SAMD3: variants seen among roughly 807,000 people sequenced by gnomAD.
SAMD3 encodes the protein sterile alpha motif domain containing 3, also known as sterile alpha motif domain-containing protein 3.
A neutral mutation model predicts 58.5 loss-of-function variants in SAMD3; 63 were observed. The ratio of observed to expected loss-of-function variants is 1.08; its 90% CI spans 0.88 to 1.33. The LOEUF is 1.33. Among genes scored for constraint, SAMD3 ranks in the 40% most tolerant of loss-of-function variants. SAMD3 has a pLI of 0.00. For missense variants in SAMD3, 604 were observed against 608.4 expected, an observed-to-expected ratio of 0.99 and a Z score of 0.08; for synonymous variants, 220 against 210.3, an observed-to-expected ratio of 1.05 and a Z score of -0.40.
intron 5 of SAMD3, among the ~76,000 whole-genome samples, chr6:130,204,342 A>G (rs7747640): frequency 0.11 from 16,015 of 152,226 alleles, 1,028 homozygotes; most frequent in African/African-American, 0.18. Context: ...TGAGGATGGG[A>G]CCTATTAATT....
chr6:130,172,055 T>C (rs1046093059), intron 8 of SAMD3, among the ~76,000 whole-genome samples: 1 of 152,230 alleles, frequency 6.6e-6, no homozygotes, highest in African/African-American at 2.4e-5. Flanking sequence ...TGCTTTCCAT[T>C]TGCTTTGTAA....
chr6:130,174,694 T>C (rs1340065809), intron 8 of SAMD3, among the ~76,000 whole-genome samples: 1 of 152,208 alleles, frequency 6.6e-6, no homozygotes, highest in Non-Finnish European at 1.5e-5. Flanking sequence ...TAATTTTAGT[T>C]TGTAATTGGA....
intron 8 of SAMD3, among the ~76,000 whole-genome samples, chr6:130,158,599 A>G (rs1305251842): frequency 6.6e-6 from 1 of 152,256 alleles, no homozygotes. Context: ...AGGATTTCCT[A>G]AAAGTGTTAC....
At chr6:130,223,350 G>A (rs1796289868), upstream of SAMD3, among the ~76,000 whole-genome samples, 1 of 152,192 alleles carries the variant, frequency 6.6e-6, no homozygotes, top group Admixed American at 6.5e-5. Context: ...GCAGACATTG[G>A]CTGAATGTAA....
chr6:130,311,170 T>C (rs1357159376), intron 2 of SAMD3, among the ~76,000 whole-genome samples: 2 of 152,202 alleles, frequency 1.3e-5, no homozygotes, highest in Admixed American at 1.3e-4. Context: ...GGATCTTGAA[T>C]CTTTTATTAT....
chr6:130,290,796 T>C (rs1775337192), intron 2 of SAMD3, among the ~76,000 whole-genome samples: 1 of 152,240 alleles, frequency 6.6e-6, no homozygotes, highest in Non-Finnish European at 1.5e-5. Flanking sequence ...AAATGTGCAG[T>C]AAATTTGGCT....
chr6:130,278,112 C>T (rs147581487), intron 2 of SAMD3, among the ~76,000 whole-genome samples: 8 of 152,286 alleles, frequency 5.3e-5, no homozygotes, highest in South Asian at 2.1e-4. Flanking sequence ...AGATAGTTTG[C>T]AGACCCTGCA....
intron 1 of SAMD3, among the ~76,000 whole-genome samples, chr6:130,348,685 C>T (rs2115032472): frequency 6.6e-6 from 1 of 152,312 alleles, no homozygotes; most frequent in Non-Finnish European, 1.5e-5. Flanking sequence ...AGAAAGTTAA[C>T]AAGGATATCC....
At chr6:130,240,946 G>T (rs1773333980) in intron 2 of SAMD3, among the ~76,000 whole-genome samples, 1 of 152,006 alleles carries the variant, frequency 6.6e-6, no homozygotes, top group African/African-American at 2.4e-5. Context: ...TCTTTACCTG[G>T]ACTCCCTTCT....
intron 2 of SAMD3, among the ~76,000 whole-genome samples, chr6:130,257,229 T>G (rs1038061372): frequency 2.6e-5 from 4 of 152,044 alleles, no homozygotes; most frequent in African/African-American, 9.7e-5. Context: ...AAGGCCCTCA[T>G]CAGAAACTGA....
chr6:130,350,520 A>G (rs1473912402), intron 1 of SAMD3, among the ~76,000 whole-genome samples: 5 of 152,096 alleles, frequency 3.3e-5, no homozygotes, highest in African/African-American at 4.8e-5. Context: ...TACAAGGGAC[A>G]TGAAGGACCT....
chr6:130,198,369 T>C (rs1198455153), intron 5 of SAMD3, among the ~76,000 whole-genome samples: 1 of 152,174 alleles, frequency 6.6e-6, no homozygotes, highest in Non-Finnish European at 1.5e-5. Flanking sequence ...CACACCCAGC[T>C]AATTTTTAAA....
At chr6:130,258,282 G>A (rs1009815708) in intron 2 of SAMD3, among the ~76,000 whole-genome samples, 2 of 152,042 alleles carry the variant, frequency 1.3e-5, no homozygotes, top group African/African-American at 4.8e-5. Flanking sequence ...AATATTTAAA[G>A]TTGGTTTCTT....
At chr6:130,156,914 C>G (rs2114596221) in intron 8 of SAMD3, among the ~76,000 whole-genome samples, 1 of 151,854 alleles carries the variant, frequency 6.6e-6, no homozygotes, top group Non-Finnish European at 1.5e-5. Flanking sequence ...ACTAAAAATA[C>G]AAAAAAGTAG....
At chr6:130,230,543 A>G (rs1028466475) in intron 2 of SAMD3, among the ~76,000 whole-genome samples, 2 of 152,114 alleles carry the variant, frequency 1.3e-5, no homozygotes, top group Non-Finnish European at 2.9e-5. Flanking sequence ...GCCCGCCACC[A>G]TGCCCAGCAC....
At position 130,259,417 on chromosome 6, in the gene SAMD3, A is replaced by T. The variant is rs147321967; in HGVS notation, c.-187-36604T>A. 3.9e-3 allele frequency among the ~76,000 whole-genome samples: 593 copies of T among 152,232 alleles called. 6 individuals are homozygous for T. The highest frequency in any genetic ancestry group is 0.014 in the African/African-American group (571 of 41,550). The stretch of plus-strand genomic sequence containing the variant: ...TTTTTAACAATCAGTTCTCTTGGGA[A>T]TGAATGCAGTGAGAACTCACTCACC... On this transcript the variant is annotated intron_variant, in intron 2 of 13. Coordinates refer to the SAMD3 transcript ENST00000368134.
At chr6:130,218,789 AT>A (rs143814468) in intron 1 of SAMD3, among the ~76,000 whole-genome samples, 7,980 of 152,228 alleles carry the variant, frequency 0.052, 288 homozygotes, top group African/African-American at 0.1. Context: ...CAGGATCAAT[AT>A]AATGAACTCA....
chr6:130,297,492 C>A (rs185351211), intron 2 of SAMD3, among the ~76,000 whole-genome samples: 100 of 152,304 alleles, frequency 6.6e-4, no homozygotes, highest in African/African-American at 2.3e-3. Context: ...GAGTTCTTGA[C>A]CCCTCCGAAG....
At chr6:130,334,725 T>G (rs1446830823) in intron 1 of SAMD3, among the ~76,000 whole-genome samples, 1 of 152,208 alleles carries the variant, frequency 6.6e-6, no homozygotes, top group Non-Finnish European at 1.5e-5. Context: ...TATTCAACAA[T>G]GCTGGTTTCT....
Sources: allele counts gnomAD v4.1 joint callset (sites outside exome capture counted in the v4.1 genomes callset), GRCh38; gene constraint gnomAD v4.1.1; transcripts MANE v1.5; gene names NCBI Gene and HGNC (gene_info 2026-07-23, HGNC 2026-07-21).